LRRFIP1: variants seen among roughly 807,000 people sequenced by gnomAD.
The protein encoded by LRRFIP1 is LRR binding FLII interacting protein 1.
In LRRFIP1, 62 loss-of-function variants were observed where a neutral mutation model predicts 104.4. The observed-to-expected ratio is 0.59, with a 90% CI of 0.48 to 0.73. The LOEUF (loss-of-function observed/expected upper bound fraction) is 0.73. Ranked by LOEUF, LRRFIP1 falls within the 30% of genes least tolerant of loss-of-function variation. The probability of loss-of-function intolerance (pLI) is 0.00; values close to 1 mark genes in which losing one functional copy is unlikely to be tolerated. For missense variants in LRRFIP1, 796 were observed against 824.5 expected (o/e 0.97, Z 0.42); for synonymous variants, 300 against 299.0 (o/e 1.00, Z -0.03).
Position 237,723,572 on chromosome 2 carries a change from G to A in LRRFIP1, c.370G>A (p.Gly124Ser), listed in dbSNP as rs779565259. The A allele has an allele frequency of 3.1e-6, 5 of 1,613,756 alleles. No individual in the cohort carries two copies. The highest frequency in any genetic ancestry group is 4.2e-6 in the Non-Finnish European group (5 of 1,179,848). Reference protein sequence around the residue: ...LRSQPDLEYGGPYAWTNGYDG... With the variant: ...LRSQPDLEYGSPYAWTNGYDG... ...GTCGCAGCCTGACTTGGAGTATGGG[G>A]GTCCTTACGCCTGGGTGAGATGGTC... is the stretch of plus-strand genomic sequence containing the variant. Residue 124 changes from glycine to serine, a missense_variant, in exon 7 of 24, where the codon GGT becomes AGT. Physicochemically the swap from Gly to Ser is moderately conservative, Grantham distance 56. Coordinates refer to ENST00000308482, the MANE Select transcript of LRRFIP1 (RefSeq NM_001137550.2).
intron 1 of LRRFIP1, among the ~76,000 whole-genome samples, chr2:237,641,904 G>A (rs1480178369): frequency 2.0e-5 from 3 of 152,124 alleles, no homozygotes; most frequent in Non-Finnish European, 4.4e-5. Context: ...GTCTTAGATG[G>A]CTGTGTGCTT....
At chr2:237,701,705 GC>G (rs2093542002) in intron 1 of LRRFIP1, among the ~76,000 whole-genome samples, 1 of 152,188 alleles carries the variant, frequency 6.6e-6, no homozygotes, top group Admixed American at 6.5e-5. Flanking sequence ...TTACCTCACT[GC>G]CCTGTGTGCC....
At chr2:237,773,486 C>T (rs1032900087) in intron 22 of LRRFIP1, among the ~76,000 whole-genome samples, 3 of 151,914 alleles carry the variant, frequency 2.0e-5, no homozygotes, top group Admixed American at 6.6e-5. Flanking sequence ...TGCAGTGAGC[C>T]GAGATCACGC....
chr2:237,762,537 A>G (rs2059982232), intron 19 of LRRFIP1: 4 of 1,293,284 alleles, frequency 3.1e-6, no homozygotes, highest in Admixed American at 4.6e-5. Flanking sequence ...GTGTGTTTAC[A>G]TTCTAATGTA....
chr2:237,757,429 C>G (rs2059386118), intron 16 of LRRFIP1, 27 bp from the exon 17 acceptor site: 2 of 1,499,894 alleles, frequency 1.3e-6, no homozygotes, highest in Non-Finnish European at 1.8e-6. Context: ...AACCCTTTAT[C>G]TGCTTTCTGT....
Position 237,758,786 on chromosome 2 carries a change from A to G in LRRFIP1, c.1282A>G (p.Arg428Gly). 2 of 1,613,558 alleles carry G rather than the reference A, an allele frequency of 1.2e-6. No individual in the cohort carries two copies. The highest frequency in any genetic ancestry group is 1.7e-6 in the Non-Finnish European group (2 of 1,179,672). Residue 428 changes from arginine (R) to glycine (G), a missense_variant, in exon 18 of 24, where the codon AGA (arginine) becomes GGA (glycine). Transcript: ENST00000308482. ...CGTAAGGAGTGAACGGGATGATCTT[A>G]GAGAAGAAGTAGTCATGCTGAAAGA... ...DSVRSERDDLREEVVMLKEEL... is the reference protein window; with the variant it reads ...DSVRSERDDLGEEVVMLKEEL...
intron 3 of LRRFIP1, among the ~76,000 whole-genome samples, chr2:237,716,742 GAAATT>G (rs1206687591): frequency 1.3e-5 from 2 of 152,152 alleles, no homozygotes; most frequent in Non-Finnish European, 2.9e-5. Flanking sequence ...TTTCTTACTG[GAAATT>G]AAATAAAAAG....
At chr2:237,677,883 T>C (rs2091349232) in intron 1 of LRRFIP1, among the ~76,000 whole-genome samples, 2 of 152,200 alleles carry the variant, frequency 1.3e-5, no homozygotes, top group Admixed American at 1.3e-4. Flanking sequence ...AGCTCTAATA[T>C]TGTATTCTAA....
chr2:237,762,867 C>T (rs892611462), intron 19 of LRRFIP1: 3 of 1,614,072 alleles, frequency 1.9e-6, no homozygotes, highest in Admixed American at 3.3e-5. Context: ...CCTGAAAACA[C>T]AGTACAGGTT....
chr2:237,640,636 A>G lies in LRRFIP1; in HGVS notation c.96+12896A>G, dbSNP rs74823295. On this transcript the variant is annotated intron_variant, in intron 1 of 23. Coordinates refer to ENST00000308482, the MANE Select transcript of LRRFIP1 (RefSeq NM_001137550.2). ...TTTCCACAGGATTAAAACCGTCCCC[A>G]TATCTCCCGTAAAAGCACATTGCCG... 1.4e-3 allele frequency among the ~76,000 whole-genome samples: 217 copies of G among 152,252 alleles called. 1 individual carries two copies. The highest frequency in any genetic ancestry group is 5.1e-3 in the African/African-American group (213 of 41,532).
At chr2:237,777,208 A>C (rs1346183392) in intron 23 of LRRFIP1, among the ~76,000 whole-genome samples, 1 of 152,196 alleles carries the variant, frequency 6.6e-6, no homozygotes, top group Non-Finnish European at 1.5e-5. Flanking sequence ...TTTGAGCTTC[A>C]TAAATCCCAC....
At chr2:237,705,170 G>A (rs1179461346) in intron 1 of LRRFIP1, among the ~76,000 whole-genome samples, 1 of 152,224 alleles carries the variant, frequency 6.6e-6, no homozygotes, top group Non-Finnish European at 1.5e-5. Context: ...GTGGGGTACT[G>A]AGCAGGCAGG....
At chr2:237,653,483 A>G (rs1404451663) in intron 1 of LRRFIP1, among the ~76,000 whole-genome samples, 1 of 152,232 alleles carries the variant, frequency 6.6e-6, no homozygotes, top group Non-Finnish European at 1.5e-5. Flanking sequence ...CTCCAATGAC[A>G]TTGCTCACAA....
At chr2:237,719,620 TGCTTGCAGTG>T in intron 5 of LRRFIP1, 53 bp downstream of exon 5, 1 of 1,331,032 alleles carries the variant, frequency 7.5e-7, no homozygotes, top group Non-Finnish European at 1.1e-6. Flanking sequence ...TTCTAATTTA[TGCTTGCAGTG>T]GCTGAAGTAT....
chr2:237,717,640 G>A lies in LRRFIP1; in HGVS notation c.202-122G>A, dbSNP rs776228310. 1.0e-4 allele frequency: 81 copies of A among 812,528 alleles called. No individual in the cohort carries two copies. The highest frequency in any genetic ancestry group is 2.4e-4 in the South Asian group (18 of 73,574). The allele number at this position is 812,528 out of a possible 1,614,324, so 50.3% of individuals were successfully genotyped here. On this transcript the variant is annotated intron_variant, in intron 3 of 23. Coordinates refer to ENST00000308482, the MANE Select transcript of LRRFIP1 (RefSeq NM_001137550.2). The surrounding 1 kb of genome is among the most constrained non-coding windows in gnomAD (Gnocchi z 4.2). ...CTGGTGCCGACTGCTTTGCCTTGGC[G>A]TGTTACCTTCACCACACGGCTGGAT...
At chr2:237,701,433 A>G (rs1022321909) in intron 1 of LRRFIP1, among the ~76,000 whole-genome samples, 2 of 152,246 alleles carry the variant, frequency 1.3e-5, no homozygotes, top group Non-Finnish European at 2.9e-5. Flanking sequence ...CATGTGGGCT[A>G]GGCCAGGAGG....
intron 11 of LRRFIP1, among the ~76,000 whole-genome samples, chr2:237,743,089 G>A (rs1484115904): frequency 6.6e-6 from 1 of 152,216 alleles, no homozygotes; most frequent in African/African-American, 2.4e-5. Flanking sequence ...CCAGGGATGG[G>A]ATACAGTTGT....
At chr2:237,728,748 G>A (rs970793965) in intron 8 of LRRFIP1, among the ~76,000 whole-genome samples, 2 of 151,054 alleles carry the variant, frequency 1.3e-5, no homozygotes, top group Non-Finnish European at 2.9e-5. Context: ...TCTTAATTAT[G>A]TTATATTAAG....
intron 8 of LRRFIP1, among the ~76,000 whole-genome samples, chr2:237,730,298 C>T (rs1284395157): frequency 6.6e-6 from 1 of 152,212 alleles, no homozygotes; most frequent in African/African-American, 2.4e-5. Flanking sequence ...GTTTACACAA[C>T]AGAGTTCCTT....
Sources: allele counts gnomAD v4.1 joint callset (sites outside exome capture counted in the v4.1 genomes callset), GRCh38; gene constraint gnomAD v4.1.1; non-coding constraint Gnocchi (gnomAD v3.1); transcripts MANE v1.5; gene names NCBI Gene and HGNC (gene_info 2026-07-23, HGNC 2026-07-21).